Variants in RAB22A observed in about 807,000 individuals in gnomAD.
RAB22A encodes the protein ras-related protein Rab-22A.
In RAB22A, 13 loss-of-function variants were observed where a neutral mutation model predicts 30.2. The ratio of observed to expected loss-of-function variants is 0.43; its 90% CI spans 0.28 to 0.68. RAB22A has a LOEUF of 0.68. Among genes scored for constraint, RAB22A ranks in the 30% least tolerant of loss-of-function variants. The pLI is 0.18. For missense variants in RAB22A, 177 were observed against 246.8 expected, an observed-to-expected ratio of 0.72 and a Z score of 1.89; for synonymous variants, 89 against 87.2, an observed-to-expected ratio of 1.02 and a Z score of -0.11.
intron 2 of RAB22A, among the ~76,000 whole-genome samples, chr20:58,315,566 G>GGA (rs1568863502): frequency 6.6e-6 from 1 of 151,470 alleles, no homozygotes; most frequent in Non-Finnish European, 1.5e-5. Context: ...TGGGGCGGGG[G>GGA]GTCATAGCCC....
chr20:58,355,382 T>C (rs1044386166), intron 6 of RAB22A, among the ~76,000 whole-genome samples: 17 of 152,174 alleles, frequency 1.1e-4, no homozygotes. Context: ...ATTTTTTTTT[T>C]ACATGTCCCA....
chr20:58,353,153 C>G (rs183243573), intron 3 of RAB22A, 120 bp from the exon 4 acceptor site: 2 of 930,214 alleles, frequency 2.2e-6, no homozygotes, highest in Non-Finnish European at 3.2e-6. Flanking sequence ...AGCAGCATGT[C>G]ATTTTCTTGG....
intron 2 of RAB22A, among the ~76,000 whole-genome samples, chr20:58,334,168 T>C (rs1986705357): frequency 6.6e-6 from 1 of 151,830 alleles, no homozygotes; most frequent in South Asian, 2.1e-4. Flanking sequence ...GCGTCTCTAC[T>C]AAAAACACAA....
chr20:58,323,836 C>G (rs1986506211), intron 2 of RAB22A, among the ~76,000 whole-genome samples: 1 of 151,468 alleles, frequency 6.6e-6, no homozygotes, highest in Non-Finnish European at 1.5e-5. Flanking sequence ...TTGACTTTAT[C>G]AAAATATTTT....
At chr20:58,345,535 C>T (rs998545946) in intron 3 of RAB22A, 3 of 152,428 alleles carry the variant, frequency 2.0e-5, no homozygotes, top group African/African-American at 7.2e-5. Context: ...AGCCACAGGC[C>T]AGGGGTGCTG....
At chr20:58,323,310 A>G (rs1986494746) in intron 2 of RAB22A, among the ~76,000 whole-genome samples, 1 of 152,198 alleles carries the variant, frequency 6.6e-6, no homozygotes, top group South Asian at 2.1e-4. Context: ...ACTTTTAAAA[A>G]TTGAAGTTAT....
intron 2 of RAB22A, among the ~76,000 whole-genome samples, chr20:58,313,306 C>T (rs1467880622): frequency 1.3e-5 from 2 of 152,100 alleles, no homozygotes; most frequent in Non-Finnish European, 2.9e-5. Flanking sequence ...AAGGCTTTCT[C>T]CTCATTTTCT....
intron 3 of RAB22A, among the ~76,000 whole-genome samples, chr20:58,348,590 C>T (rs2122963769): frequency 6.6e-6 from 1 of 152,318 alleles, no homozygotes; most frequent in South Asian, 2.1e-4. Flanking sequence ...TTAGAATTTG[C>T]AGACAGAATT....
chr20:58,327,579 C>T (rs1986589942), intron 2 of RAB22A, among the ~76,000 whole-genome samples: 1 of 152,174 alleles, frequency 6.6e-6, no homozygotes, highest in Non-Finnish European at 1.5e-5. Flanking sequence ...TTTGCAGTGC[C>T]TTTCGTGACC....
intron 2 of RAB22A, among the ~76,000 whole-genome samples, chr20:58,334,538 T>A (rs1203730271): frequency 6.6e-6 from 1 of 151,770 alleles, no homozygotes; most frequent in African/African-American, 2.4e-5. Flanking sequence ...AGACTTCATG[T>A]TTTGCCTGGG....
At chr20:58,357,596 A>G (rs1987152963) in intron 6 of RAB22A, among the ~76,000 whole-genome samples, 1 of 152,174 alleles carries the variant, frequency 6.6e-6, no homozygotes, top group Admixed American at 6.5e-5. Flanking sequence ...TATTTGTTCA[A>G]CAATTTTTTG....
intron 3 of RAB22A, among the ~76,000 whole-genome samples, chr20:58,347,974 C>T (rs888765245): frequency 6.6e-6 from 1 of 152,208 alleles, no homozygotes; most frequent in Non-Finnish European, 1.5e-5. Context: ...CGCCTGTAAT[C>T]CCAGCACTTT....
intron 2 of RAB22A, among the ~76,000 whole-genome samples, chr20:58,329,150 T>G (rs1225094704): frequency 6.6e-6 from 1 of 150,858 alleles, no homozygotes; most frequent in African/African-American, 2.4e-5. Flanking sequence ...CCGTCCTGGG[T>G]TCACACTGTT....
intron 2 of RAB22A, among the ~76,000 whole-genome samples, chr20:58,323,016 T>C (rs1986489744): frequency 6.6e-6 from 1 of 152,220 alleles, no homozygotes; most frequent in African/African-American, 2.4e-5. Flanking sequence ...ATCCCTACTG[T>C]GTTTTTGATT....
chr20:58,357,192 C>T (rs942453271), intron 6 of RAB22A, among the ~76,000 whole-genome samples: 2 of 152,068 alleles, frequency 1.3e-5, no homozygotes, highest in African/African-American at 4.8e-5. Context: ...TCAGTGATCT[C>T]CATTTTCATG....
At chr20:58,333,626 A>T (rs1421321648) in intron 2 of RAB22A, among the ~76,000 whole-genome samples, 11 of 152,248 alleles carry the variant, frequency 7.2e-5, no homozygotes, top group Non-Finnish European at 5.9e-5. Flanking sequence ...CAGCTGGCAG[A>T]GTCTTACATT....
chr20:58,360,745 G>A lies in RAB22A; in HGVS notation c.*1042G>A, dbSNP rs1182193602. Reference sequence around the variant, plus strand: ...CTTAACGGGAGACTCAAGCACATTGGTATTGTATAAAGGTATAGAGCACTT... The same window carrying A: ...CTTAACGGGAGACTCAAGCACATTGATATTGTATAAAGGTATAGAGCACTT... On this transcript the variant is annotated 3_prime_UTR_variant, in exon 7 of 7. Transcript: ENST00000244040. The A allele has an allele frequency of 6.6e-6, 1 of 152,530 alleles. No individual in the cohort carries two copies. The highest frequency in any genetic ancestry group is 6.6e-5 in the Admixed American group (1 of 15,266). 9.4% of individuals were successfully genotyped at this position (152,530 alleles called of 1,614,324 possible). A position where few individuals can be genotyped will look rare whatever the true frequency, so the allele number is the denominator to read the frequency against.
intron 1 of RAB22A, 80 bp from the exon 2 acceptor site, chr20:58,310,963 T>C (rs915647434): frequency 1.3e-5 from 16 of 1,186,912 alleles, no homozygotes; most frequent in Middle Eastern, 1.9e-4. Context: ...TCTAAAATCC[T>C]GAACTTATGC....
chr20:58,358,161 C>G (rs977106549), intron 6 of RAB22A, among the ~76,000 whole-genome samples: 1 of 152,072 alleles, frequency 6.6e-6, no homozygotes, highest in Non-Finnish European at 1.5e-5. Flanking sequence ...CAAGAAGCAA[C>G]CCTTGAGTTA....
Sources: allele counts gnomAD v4.1 joint callset (sites outside exome capture counted in the v4.1 genomes callset), GRCh38; gene constraint gnomAD v4.1.1; transcripts MANE v1.5; gene names NCBI Gene and HGNC (gene_info 2026-07-23, HGNC 2026-07-21).